Variants in GRM7 observed in about 807,000 individuals in gnomAD.
GRM7 encodes glutamate metabotropic receptor 7, also known as metabotropic glutamate receptor 7.
Under a neutral mutation model 84.5 loss-of-function variants are expected in GRM7, and 35 were observed. That is an observed-to-expected ratio of 0.41 (90% CI 0.32 to 0.55). GRM7 has a LOEUF of 0.55. Among genes scored for constraint, GRM7 ranks in the 20% least tolerant of loss-of-function variants. The pLI is 0.19. For missense variants in GRM7, 1,003 were observed against 1,194.6 expected (o/e 0.84, Z 2.36); for synonymous variants, 487 against 455.1 (o/e 1.07, Z -0.89).
At chr3:7,413,956 G>C (rs17047291) in intron 4 of GRM7, among the ~76,000 whole-genome samples, 7,088 of 152,148 alleles carry the variant, frequency 0.047, 482 homozygotes, top group African/African-American at 0.15. Flanking sequence ...TGCCCTATAG[G>C]ATGGGTGTCA....
chr3:6,986,534 A>G (rs1245970338), intron 1 of GRM7, among the ~76,000 whole-genome samples: 1 of 152,184 alleles, frequency 6.6e-6, no homozygotes, highest in Non-Finnish European at 1.5e-5. Flanking sequence ...TCACTCTGTT[A>G]ATGCTCATAC....
intron 8 of GRM7, among the ~76,000 whole-genome samples, chr3:7,582,936 C>T (rs1214812557): frequency 6.6e-6 from 1 of 152,176 alleles, no homozygotes; most frequent in African/African-American, 2.4e-5. Flanking sequence ...GGACACGATG[C>T]CAACCATACT....
intron 8 of GRM7, among the ~76,000 whole-genome samples, chr3:7,673,977 A>G (rs978447172): frequency 7.9e-5 from 12 of 152,332 alleles, no homozygotes; most frequent in African/African-American, 2.6e-4. Flanking sequence ...TGTATGAGCC[A>G]TAACTTCAGA....
intron 2 of GRM7, among the ~76,000 whole-genome samples, chr3:7,231,725 G>A (rs1697201645): frequency 6.6e-6 from 1 of 152,168 alleles, no homozygotes. Flanking sequence ...GTACAGATGA[G>A]GAAACCAAGG....
chr3:7,461,788 T>C (rs189817274), intron 7 of GRM7, 66 bp downstream of exon 7: 2 of 1,458,214 alleles, frequency 1.4e-6, no homozygotes, highest in Admixed American at 3.4e-5. Flanking sequence ...ATTTGCTCAG[T>C]TATACAAATG....
chr3:7,637,564 C>G (rs1698155902), intron 8 of GRM7, among the ~76,000 whole-genome samples: 1 of 152,232 alleles, frequency 6.6e-6, no homozygotes, highest in African/African-American at 2.4e-5. Flanking sequence ...TACAGAAATT[C>G]TCTCCAACAT....
intron 4 of GRM7, among the ~76,000 whole-genome samples, chr3:7,342,123 T>A (rs2125080576): frequency 6.6e-6 from 1 of 152,258 alleles, no homozygotes; most frequent in East Asian, 1.9e-4. Context: ...CCCTGCTAGG[T>A]CTGTGCCTCA....
chr3:7,375,558 G>T (rs1313837814), intron 4 of GRM7, among the ~76,000 whole-genome samples: 1 of 151,806 alleles, frequency 6.6e-6, no homozygotes, highest in Non-Finnish European at 1.5e-5. Flanking sequence ...TTTACTCTTG[G>T]GCTTCCCCAG....
chr3:6,899,650 T>C (rs1317239355), intron 1 of GRM7, among the ~76,000 whole-genome samples: 1 of 152,184 alleles, frequency 6.6e-6, no homozygotes, highest in Non-Finnish European at 1.5e-5. Context: ...ATGTTTACAG[T>C]GATTGGATGC....
intron 1 of GRM7, chr3:6,894,144 T>C (rs992250781): frequency 1.3e-5 from 2 of 152,142 alleles, no homozygotes; most frequent in Non-Finnish European, 2.9e-5. Flanking sequence ...TTTGGGGAAA[T>C]TTCAATAGCA....
intron 9 of GRM7, among the ~76,000 whole-genome samples, chr3:7,709,192 G>C (rs188006737): frequency 6.6e-6 from 1 of 151,948 alleles, no homozygotes; most frequent in African/African-American, 2.4e-5. Context: ...TACTCATGTG[G>C]CATTTATGTT....
intron 1 of GRM7, among the ~76,000 whole-genome samples, chr3:7,063,773 T>C (rs1697519285): frequency 1.3e-5 from 2 of 151,710 alleles, no homozygotes. Context: ...ACTTGCAAAG[T>C]AACACAAGAA....
intron 1 of GRM7, among the ~76,000 whole-genome samples, chr3:6,915,387 T>TA (rs1174229068): frequency 6.6e-6 from 1 of 152,204 alleles, no homozygotes; most frequent in Admixed American, 6.5e-5. Context: ...GATGGGCTTT[T>TA]AAAATCTCAT....
intron 1 of GRM7, among the ~76,000 whole-genome samples, chr3:7,128,479 C>T (rs1693476812): frequency 7.2e-6 from 1 of 139,760 alleles, no homozygotes; most frequent in Admixed American, 7.1e-5. Flanking sequence ...CCCTTAGTAA[C>T]AGAAAAATTT....
intron 1 of GRM7, among the ~76,000 whole-genome samples, chr3:7,113,743 G>A (rs1446244795): frequency 6.6e-6 from 1 of 152,064 alleles, no homozygotes; most frequent in South Asian, 2.1e-4. Context: ...GATGAAATAT[G>A]GTATCTGTCT....
At chr3:7,086,223 G>A (rs967502624) in intron 1 of GRM7, among the ~76,000 whole-genome samples, 16 of 151,924 alleles carry the variant, frequency 1.1e-4, no homozygotes, top group East Asian at 3.9e-4. Flanking sequence ...AGTTGCTTGC[G>A]TTTTGAATTT....
In GRM7 at chr3:7,365,647, G is replaced by GTGTA. The variant is rs1490998013; in HGVS notation, c.1034-49375_1034-49374insGTAT. 1.8e-3 allele frequency among the ~76,000 whole-genome samples: 232 copies of GTGTA among 130,042 alleles called. 1 individual carries two copies. Among genetic ancestry groups the GTGTA allele is most frequent in the Admixed American group, 5.5e-3 (73 of 13,256 alleles). 85.3% of individuals were successfully genotyped at this position (130,042 alleles called of 152,430 possible). A position where few individuals can be genotyped will look rare whatever the true frequency, so the allele number is the denominator to read the frequency against. On this transcript the variant is annotated intron_variant, in intron 4 of 9. Coordinates refer to ENST00000357716, the MANE Select transcript of GRM7 (RefSeq NM_000844.4). ...AATATGCATGTGTGTGTGCGTGTGT[G>GTGTA]TATATATATATATATATACACACAC...
At chr3:6,918,367 C>T (rs1276107540) in intron 1 of GRM7, among the ~76,000 whole-genome samples, 3 of 152,094 alleles carry the variant, frequency 2.0e-5, no homozygotes, top group East Asian at 1.9e-4. Context: ...GTTCCTCCTT[C>T]GTGTTACTTA....
chr3:7,229,741 ATATATATATATATATATATTTTT>A (rs1697109636), intron 2 of GRM7, among the ~76,000 whole-genome samples: 5 of 38,080 alleles, frequency 1.3e-4, no homozygotes, highest in Admixed American at 7.4e-4. Context: ...ATATATATAT[ATATATATATATATATATATTTTT>A]TTTTTTTTTT....
Sources: gnomAD v4.1 joint callset for allele counts (sites outside exome capture counted in the v4.1 genomes callset) on GRCh38, gnomAD v4.1.1 for gene constraint, MANE v1.5 for transcripts, NCBI Gene and HGNC (gene_info 2026-07-23, HGNC 2026-07-21) for gene names.